PRPF8: variants seen among roughly 807,000 people sequenced by gnomAD.
PRPF8 encodes the protein pre-mRNA-processing-splicing factor 8.
PRPF8 carries 64 observed loss-of-function variants against 285.9 expected under a neutral mutation model. The observed-to-expected ratio is 0.22, with a 90% confidence interval of 0.18 to 0.28. The LOEUF (loss-of-function observed/expected upper bound fraction) is 0.28, where lower values mean the gene tolerates loss of function less well. PRPF8 is among the 10% of genes least tolerant of loss of function. PRPF8 has a pLI of 1.00. For synonymous variants in PRPF8, 1,325 were observed against 1,118.2 expected, an observed-to-expected ratio of 1.18 and a Z score of -3.69; for missense variants, 1,426 against 3,026.7, an observed-to-expected ratio of 0.47 and a Z score of 12.41.
intron 2 of PRPF8, 66 bp downstream of exon 2, chr17:1,684,406 C>T (rs566019909): frequency 2.6e-6 from 4 of 1,555,890 alleles, no homozygotes; most frequent in East Asian, 4.5e-5. Context: ...AGGGTCCCCA[C>T]CCGCCTGCGC....
Position 1,651,092 on chromosome 17 carries a change from G to A in PRPF8, c.6853+16C>T. 3 of 1,614,114 alleles carry A rather than the reference G, an allele frequency of 1.9e-6. No homozygotes were observed. Among genetic ancestry groups the A allele is most frequent in the Non-Finnish European group, 1.7e-6 (2 of 1,179,996 alleles). On this transcript the variant is annotated intron_variant, in intron 42 of 42. Coordinates refer to ENST00000304992, the MANE Select transcript of PRPF8 (RefSeq NM_006445.4). The surrounding 1 kb of genome is among the most constrained non-coding windows in gnomAD (Gnocchi z 5.1). Reference sequence around the variant, plus strand: ...CCCTACTGCTATCCCCACATCCCCAGGCTCCTCCCACTTACCCATGAAGTT... The same window carrying A: ...CCCTACTGCTATCCCCACATCCCCAAGCTCCTCCCACTTACCCATGAAGTT...
At chr17:1,663,262 CAGA>C (rs1911773857) in intron 24 of PRPF8, among the ~76,000 whole-genome samples, 1 of 151,398 alleles carries the variant, frequency 6.6e-6, no homozygotes, top group African/African-American at 2.4e-5. Flanking sequence ...CAACTAAATT[CAGA>C]AGAAGGCAGG....
rs1375791000 is a variant in PRPF8, at chr17:1,679,095, G to A, written c.1521C>T (p.Leu507=). The A allele has an allele frequency of 2.5e-6, 4 of 1,614,190 alleles. No homozygotes were observed. The Admixed American group carries it at 5.0e-5, about 20-fold the overall frequency. Residue 507 remains leucine (L), a synonymous_variant, in exon 11 of 43, where the codon CTC becomes CTT. Coordinates refer to ENST00000304992, the MANE Select transcript of PRPF8 (RefSeq NM_006445.4). The surrounding 1 kb of genome is among the most constrained non-coding windows in gnomAD (Gnocchi z 4.7). The stretch of plus-strand genomic sequence containing the variant: ...GGTAGTTGAGGTTTTTGCGGTGAAT[G>A]AGAAGGTTGAGCATGTTGTAGCCCT... ...CRQGYNMLNL[L]IHRKNLNYLH... is the part of the protein sequence containing the mutation.
At chr17:1,654,046 G>A in intron 37 of PRPF8, 30 bp from the exon 38 acceptor site, 2 of 1,614,056 alleles carry the variant, frequency 1.2e-6, no homozygotes, top group South Asian at 1.1e-5. Flanking sequence ...TATATTACAA[G>A]GATCCCTTCC....
chr17:1,673,875 G>T lies in PRPF8; in HGVS notation c.3317C>A (p.Ala1106Asp), dbSNP rs1434165416. The T allele has an allele frequency of 6.2e-7, 1 of 1,613,600 alleles. No individual in the cohort carries two copies. The highest frequency in any genetic ancestry group is 8.5e-7 in the Non-Finnish European group (1 of 1,180,006). ...HIFFRFTADE[A>D]RDLIQRYLTE... ...CAGGTAACGTTGAATCAGGTCCCGA[G>T]CCTCATCTGCTGTGAACCTACACCA... The change falls in exon 22 of 43, where the codon GCT (alanine) becomes GAT (aspartate). Residue 1106 changes from alanine to aspartate, a missense_variant. Transcript: ENST00000304992. The surrounding 1 kb of genome is among the most constrained non-coding windows in gnomAD (Gnocchi z 5.5).
Position 1,659,528 on chromosome 17 carries a change from G to T in PRPF8, c.4967C>A (p.Thr1656Asn). ...ADSKDVMDST[T>N]TQKYWIDIQL... ...GATGTCAATCCAGTATTTCTGGGTG[G>T]TGGTGCTGTCCATCACATCCCTGAG... The change falls in exon 32 of 43, where the codon ACC becomes AAC. Residue 1656 changes from threonine to asparagine, a missense_variant. Transcript: ENST00000304992. The surrounding 1 kb of genome is among the most constrained non-coding windows in gnomAD (Gnocchi z 5.1). The T allele has an allele frequency of 6.2e-7, 1 of 1,614,136 alleles. No homozygotes were observed. The highest frequency in any genetic ancestry group is 8.5e-7 in the Non-Finnish European group (1 of 1,180,034).
At chr17:1,657,640 C>T (rs1223671399) in intron 34 of PRPF8, among the ~76,000 whole-genome samples, 33 of 129,388 alleles carry the variant, frequency 2.6e-4, no homozygotes, top group Non-Finnish European at 4.6e-4. Flanking sequence ...AGCAAGACTC[C>T]GTCTCAAAAA....
intron 21 of PRPF8, 124 bp from the exon 22 acceptor site, chr17:1,674,016 C>A: frequency 9.6e-7 from 1 of 1,042,388 alleles, no homozygotes; most frequent in Non-Finnish European, 1.4e-6. Flanking sequence ...GGGCTTCATT[C>A]CATTTTATTT....
At chr17:1,670,777 G>A (rs540277342) in intron 24 of PRPF8, among the ~76,000 whole-genome samples, 9 of 152,156 alleles carry the variant, frequency 5.9e-5, no homozygotes, top group East Asian at 3.9e-4. Context: ...GTGAGCCCCC[G>A]CGCCTGGCCT....
rs1912772761 is a variant in PRPF8, at chr17:1,679,250, TC to T, written c.1409+40del. Reference sequence around the variant, plus strand: ...GAGTAAGAGTCAGCCTACTGATATCTCTGGAACAGAAGTCTGCGCAGGGCCC... The same window carrying T: ...GAGTAAGAGTCAGCCTACTGATATCTTGGAACAGAAGTCTGCGCAGGGCCC... On this transcript the variant is annotated intron_variant, in intron 10 of 42. Transcript: ENST00000304992. The surrounding 1 kb of genome is among the most constrained non-coding windows in gnomAD (Gnocchi z 4.7). The T allele has an allele frequency of 1.9e-6, 3 of 1,614,034 alleles. No individual in the cohort carries two copies. The African/African-American group carries it at 4.0e-5, about 22-fold the overall frequency.
At position 1,679,204 on chromosome 17, in the gene PRPF8, T is replaced by C; in HGVS notation, c.1412A>G (p.Tyr471Cys). 1 of 1,614,152 alleles carries C rather than the reference T, an allele frequency of 6.2e-7. No individual in the cohort carries two copies. The part of the protein sequence containing the change: ...HRPPKAQKKR[Y>C]LFRSFKATKF... ...GGTGGCTTTGAAGGAGCGGAACAAA[T>C]ACCTGAGGTGGGAACATGGAGAGTA... Residue 471 changes from tyrosine to cysteine, a missense_variant and splice_region_variant, in exon 11 of 43, where the codon TAT becomes TGT. By Grantham distance (194) the Tyr-to-Cys change is radical. Coordinates refer to ENST00000304992, the MANE Select transcript of PRPF8 (RefSeq NM_006445.4). This position sits in a 1 kb window ranked among gnomAD's most constrained non-coding sequence, Gnocchi z 4.7.
rs768288906 is a variant in PRPF8 at position 1,651,597 on chromosome 17, A to C, written c.6511-44T>G. ...ACAGAGCTGAATCCCATCCACAGAC[A>C]GGAATCGCACCAGCTTTTCCACACT... On this transcript the variant is annotated intron_variant, in intron 40 of 42. Transcript: ENST00000304992. This position sits in a 1 kb window ranked among gnomAD's most constrained non-coding sequence, Gnocchi z 5.1. 1.6e-5 allele frequency: 26 copies of C among 1,614,100 alleles called. No homozygotes were observed. The highest frequency in any genetic ancestry group is 2.2e-5 in the Non-Finnish European group (26 of 1,180,022).
Position 1,684,522 on chromosome 17 carries a change from G to T in PRPF8, c.50C>A (p.Pro17His). 8.1e-6 allele frequency: 13 copies of T among 1,612,656 alleles called. No homozygotes were observed. Among genetic ancestry groups the T allele is most frequent in the Non-Finnish European group, 1.0e-5 (12 of 1,179,856 alleles). ...YRGPGNPVPGPLAPLPDYMSE... is the reference protein window; with the variant it reads ...YRGPGNPVPGHLAPLPDYMSE... ...CATGTAGTCCGGTAGCGGGGCTAGAGGGCCAGGCACCGGGTTACCCGGCCC... is the reference window on the plus strand; with the variant it reads ...CATGTAGTCCGGTAGCGGGGCTAGATGGCCAGGCACCGGGTTACCCGGCCC... The change falls in exon 2 of 43, where the codon CCT (proline) becomes CAT (histidine). Residue 17 changes from proline to histidine, a missense_variant. Around this residue, in one of 34 missense-constraint regions of PRPF8, gnomAD observed 72 missense variants for 80.0 expected, o/e 0.90. Coordinates refer to ENST00000304992, the MANE Select transcript of PRPF8 (RefSeq NM_006445.4).
At position 1,676,666 on chromosome 17, in the gene PRPF8, C is replaced by G; in HGVS notation, c.2227G>C (p.Val743Leu). ...TPIENMILRY[V>L]KAKADWWTNT... ...GTCCACCAGTCAGCCTTGGCCTTCA[C>G]GTATCGAAGGATCATATTCTCTATG... Residue 743 changes from valine to leucine, a missense_variant, in exon 16 of 43, where the codon GTG becomes CTG. Val to Leu is a conservative substitution (Grantham distance 32). This residue lies in a region of PRPF8 where 30 missense variants were observed against 61.0 expected (regional missense o/e 0.49). Transcript: ENST00000304992. The surrounding 1 kb of genome is among the most constrained non-coding windows in gnomAD (Gnocchi z 6.3). The G allele has an allele frequency of 1.9e-6, 3 of 1,614,164 alleles. No homozygotes were observed. Among genetic ancestry groups the G allele is most frequent in the Non-Finnish European group, 2.5e-6 (3 of 1,180,024 alleles).
Position 1,653,846 on chromosome 17 carries a change from T to G in PRPF8, c.6158A>C (p.Glu2053Ala), listed in dbSNP as rs749362405. The G allele has an allele frequency of 3.7e-6, 6 of 1,614,062 alleles. No homozygotes were observed. Among genetic ancestry groups the G allele is most frequent in the Non-Finnish European group, 4.2e-6 (5 of 1,180,048 alleles). The change falls in exon 38 of 43, where the codon GAG becomes GCG. Residue 2053 changes from glutamate (E) to alanine (A), a missense_variant. This residue lies in a region of PRPF8 where 160 missense variants were observed against 373.7 expected (regional missense o/e 0.43). Transcript: ENST00000304992. This position sits in a 1 kb window ranked among gnomAD's most constrained non-coding sequence, Gnocchi z 4.9. ...QTRTVNKHGD[E>A]IITSTTSNYE... is the part of the protein sequence containing the mutation. ...GTTGCTGGTGGTGGAGGTGATGATC[T>G]CATCGCCATGCTTGTTGACAGTGCG...
chr17:1,676,725 A>C lies in PRPF8; in HGVS notation c.2182-14T>G. ...CAGCCCAGGGACCTAAAAGTCCAAAAAGCACAATCAAGCCAGGATCCAGCC... is the reference window on the plus strand; with the variant it reads ...CAGCCCAGGGACCTAAAAGTCCAAACAGCACAATCAAGCCAGGATCCAGCC... On this transcript the variant is annotated splice_polypyrimidine_tract_variant and intron_variant, in intron 15 of 42. Coordinates refer to ENST00000304992, the MANE Select transcript of PRPF8 (RefSeq NM_006445.4). This position sits in a 1 kb window ranked among gnomAD's most constrained non-coding sequence, Gnocchi z 6.3. 1.2e-6 allele frequency: 2 copies of C among 1,613,112 alleles called. No homozygotes were observed. The highest frequency in any genetic ancestry group is 1.7e-6 in the Non-Finnish European group (2 of 1,179,810).
chr17:1,669,210 A>G (rs1055339094), intron 24 of PRPF8, among the ~76,000 whole-genome samples: 1 of 152,194 alleles, frequency 6.6e-6, no homozygotes, highest in Non-Finnish European at 1.5e-5. Flanking sequence ...GGGTTCAAGC[A>G]ATTCTCCTGC....
At position 1,650,653 on chromosome 17, in the gene PRPF8, T is replaced by A. The variant is rs1597222872; in HGVS notation, c.*149A>T. 1 of 867,870 alleles carries A rather than the reference T, an allele frequency of 1.2e-6. No homozygotes were observed. Among genetic ancestry groups the A allele is most frequent in the Non-Finnish European group, 1.8e-6 (1 of 561,210 alleles). The allele number at this position is 867,870 out of a possible 1,614,324, so 53.8% of individuals were successfully genotyped here. ...CTCCTATTTATACAAAATTTATTAT[T>A]ATATTTTATTCAGGATGACAAGCCA... On this transcript the variant is annotated 3_prime_UTR_variant, in exon 43 of 43. Coordinates refer to ENST00000304992, the MANE Select transcript of PRPF8 (RefSeq NM_006445.4).
chr17:1,650,871 G>GT lies in PRPF8; in HGVS notation c.6938dup (p.His2313GlnfsTer72). 2 of 1,614,214 alleles carry GT rather than the reference G, an allele frequency of 1.2e-6. No individual in the cohort carries two copies. The highest frequency in any genetic ancestry group is 1.7e-6 in the Non-Finnish European group (2 of 1,180,038). ...CCTGCAGGAGAGCAAAGTTGAGGAAGTGAGAGGGCCTGTGCACCTCGTGGT... is the reference window on the plus strand; with the variant it reads ...CCTGCAGGAGAGCAAAGTTGAGGAAGTTGAGAGGGCCTGTGCACCTCGTGGT... On this transcript the variant is annotated frameshift_variant, in exon 43 of 43. Coordinates refer to ENST00000304992, the MANE Select transcript of PRPF8 (RefSeq NM_006445.4). LOFTEE classifies it high-confidence loss of function.
Sources: gnomAD v4.1 joint callset for allele counts (sites outside exome capture counted in the v4.1 genomes callset) on GRCh38, gnomAD v4.1.1 for gene constraint, gnomAD v4.1.1 regional missense constraint, Gnocchi (gnomAD v3.1) non-coding constraint, MANE v1.5 for transcripts, NCBI Gene and HGNC (gene_info 2026-07-23, HGNC 2026-07-21) for gene names.